Variants in FOXA3 observed in about 807,000 individuals in gnomAD.
FOXA3 encodes hepatocyte nuclear factor 3-gamma.
In FOXA3, 11 loss-of-function variants were observed where a neutral mutation model predicts 16.9. That is an observed-to-expected ratio of 0.65 (90% confidence interval 0.41 to 1.08). The LOEUF is 1.08. Among genes scored for constraint, FOXA3 ranks in the 50% least tolerant of loss-of-function variants. The pLI, the probability that FOXA3 is intolerant of heterozygous loss-of-function variation, is 0.00. For synonymous variants in FOXA3, 217 were observed against 203.3 expected (o/e 1.07, Z -0.57); for missense variants, 423 against 470.1 (o/e 0.90, Z 0.93).
intron 1 of FOXA3, among the ~76,000 whole-genome samples, chr19:45,869,220 G>C (rs1481037925): frequency 6.6e-6 from 1 of 151,488 alleles, no homozygotes; most frequent in South Asian, 2.1e-4. Flanking sequence ...GATTACAGGC[G>C]TGAGCCACCG....
At chr19:45,868,873 T>C (rs1314084646) in intron 1 of FOXA3, among the ~76,000 whole-genome samples, 2 of 152,226 alleles carry the variant, frequency 1.3e-5, no homozygotes, top group Non-Finnish European at 2.9e-5. Flanking sequence ...TGCTAGACTG[T>C]TGGCACCACG....
intron 1 of FOXA3, among the ~76,000 whole-genome samples, chr19:45,866,632 C>T (rs1358008934): frequency 2.0e-5 from 3 of 152,172 alleles, no homozygotes; most frequent in African/African-American, 4.8e-5. Context: ...GGTCCCCAAA[C>T]CACTTCTTGC....
intron 1 of FOXA3, among the ~76,000 whole-genome samples, chr19:45,868,038 G>T (rs1972101939): frequency 6.6e-6 from 1 of 151,748 alleles, no homozygotes; most frequent in South Asian, 2.1e-4. Flanking sequence ...CAATGCGGGG[G>T]TGGGGAGGGA....
At chr19:45,870,569 C>CTTTT (rs34349319) in intron 1 of FOXA3, among the ~76,000 whole-genome samples, 3 of 133,250 alleles carry the variant, frequency 2.3e-5, no homozygotes, top group Admixed American at 7.8e-5. Flanking sequence ...CACCCCCCTT[C>CTTTT]TTTTTTTTTT....
rs570167287 is a variant in FOXA3, at chr19:45,872,054, C to T, written c.70-21C>T. On this transcript the variant is annotated intron_variant, in intron 1 of 1. Transcript: ENST00000302177. The surrounding 1 kb of genome is among the most constrained non-coding windows in gnomAD (Gnocchi z 4.5). ...CAGCAGAGTGGAGCCCCACTGACCC[C>T]TCCTTTCATCTTTCCCCTAGGTCTA... The T allele has an allele frequency of 1.9e-6, 3 of 1,610,504 alleles. No individual in the cohort carries two copies. The highest frequency in any genetic ancestry group is 2.2e-5 in the South Asian group (2 of 90,650).
At chr19:45,865,452 C>T (rs1308394412) in intron 1 of FOXA3, among the ~76,000 whole-genome samples, 3 of 152,082 alleles carry the variant, frequency 2.0e-5, no homozygotes, top group Admixed American at 6.6e-5. Flanking sequence ...CTGCAACGAC[C>T]CCTACACCTT....
intron 1 of FOXA3, among the ~76,000 whole-genome samples, chr19:45,870,319 G>T (rs1196341491): frequency 6.6e-6 from 1 of 151,388 alleles, no homozygotes; most frequent in African/African-American, 2.4e-5. Context: ...ACAGGCGTTC[G>T]CCACCACACC....
intron 1 of FOXA3, 49 bp downstream of exon 1, chr19:45,864,574 G>T (rs374426074): frequency 3.5e-5 from 50 of 1,437,460 alleles, no homozygotes; most frequent in South Asian, 5.6e-5. Context: ...AGGTATCGGG[G>T]TGTGGGCTCA....
chr19:45,871,277 C>T (rs1600550600), intron 1 of FOXA3, among the ~76,000 whole-genome samples: 1 of 152,112 alleles, frequency 6.6e-6, no homozygotes, highest in African/African-American at 2.4e-5. Context: ...GTCAAAAGAG[C>T]GACACTGTTT....
intron 1 of FOXA3, among the ~76,000 whole-genome samples, chr19:45,870,618 A>G (rs1218486591): frequency 8.4e-6 from 1 of 118,498 alleles, no homozygotes; most frequent in Non-Finnish European, 1.7e-5. Flanking sequence ...TCCTGGCTGG[A>G]GTGTGCAGTG....
chr19:45,868,558 C>T (rs1466515900), intron 1 of FOXA3, among the ~76,000 whole-genome samples: 1 of 139,948 alleles, frequency 7.1e-6, no homozygotes, highest in Non-Finnish European at 1.5e-5. Context: ...CCAGCCTGGG[C>T]GATACAGTGA....
At chr19:45,868,096 C>T (rs555902149) in intron 1 of FOXA3, among the ~76,000 whole-genome samples, 1 of 151,876 alleles carries the variant, frequency 6.6e-6, no homozygotes, top group African/African-American at 2.4e-5. Context: ...GGTAACACAA[C>T]GGCAAAAATA....
chr19:45,867,430 T>TAGATAGAC (rs1355589080), intron 1 of FOXA3, among the ~76,000 whole-genome samples: 2 of 150,260 alleles, frequency 1.3e-5, no homozygotes, highest in Admixed American at 1.3e-4. Flanking sequence ...GATAGATAGA[T>TAGATAGAC]AGATAGATAG....
In FOXA3 at chr19:45,871,947, G is replaced by C. The variant is rs1427589801; in HGVS notation, c.70-128G>C. The C allele has an allele frequency of 3.3e-6, 3 of 915,670 alleles. No homozygotes were observed. In the African/African-American group the frequency reaches 5.0e-5, roughly 15 times the overall value. 56.7% of individuals were successfully genotyped at this position (915,670 alleles called of 1,614,324 possible). A position where few individuals can be genotyped will look rare whatever the true frequency, so the allele number is the denominator to read the frequency against. ...TGAGAGACTGCTTTCTACAGATAGAGGTAATGATGGAAGGGATTTGTAGAG... is the reference window on the plus strand; with the variant it reads ...TGAGAGACTGCTTTCTACAGATAGACGTAATGATGGAAGGGATTTGTAGAG... On this transcript the variant is annotated intron_variant, in intron 1 of 1. Transcript: ENST00000302177.
chr19:45,868,573 C>T (rs1972106817), intron 1 of FOXA3, among the ~76,000 whole-genome samples: 2 of 133,308 alleles, frequency 1.5e-5, no homozygotes, highest in African/African-American at 5.7e-5. Context: ...CAGTGAGACT[C>T]TCTTAAAAAA....
Position 45,873,072 on chromosome 19 carries a change from C to T in FOXA3, c.*14C>T. ...AATGCATCCTAGCAGGGGTTGGGAA[C>T]ATGGTGGTGGGTATGGCTGGAGCTC... On this transcript the variant is annotated 3_prime_UTR_variant, in exon 2 of 2. Coordinates refer to ENST00000302177, the MANE Select transcript of FOXA3 (RefSeq NM_004497.3). The T allele has an allele frequency of 1.3e-6, 2 of 1,575,364 alleles. No individual in the cohort carries two copies. The highest frequency in any genetic ancestry group is 1.7e-6 in the Non-Finnish European group (2 of 1,159,524).
chr19:45,872,703 G>T lies in FOXA3; in HGVS notation c.698G>T (p.Gly233Val). 1 of 1,608,710 alleles carries T rather than the reference G, an allele frequency of 6.2e-7. No homozygotes were observed. The part of the protein sequence containing the change: ...GSGAATTTRN[G>V]TGSAASTTTP... Reference sequence around the variant, plus strand: ...GGGGCTGCCACCACCACCAGGAACGGGACAGGGTCTGCTGCCTCGACCACC... The same window carrying T: ...GGGGCTGCCACCACCACCAGGAACGTGACAGGGTCTGCTGCCTCGACCACC... The change falls in exon 2 of 2, where the codon GGG becomes GTG. Residue 233 changes from glycine (G) to valine (V), a missense_variant. Physicochemically the swap from Gly to Val is moderately radical, Grantham distance 109 (BLOSUM62 -3). This residue lies in a region of FOXA3 where 168 missense variants were observed against 179.3 expected (regional missense o/e 0.94). Transcript: ENST00000302177. The surrounding 1 kb of genome is among the most constrained non-coding windows in gnomAD (Gnocchi z 4.5).
At chr19:45,870,667 T>G (rs1966896472) in intron 1 of FOXA3, among the ~76,000 whole-genome samples, 1 of 149,686 alleles carries the variant, frequency 6.7e-6, no homozygotes, top group Non-Finnish European at 1.5e-5. Flanking sequence ...ACTCCTGGGC[T>G]CAAGCGATCC....
Position 45,873,039 on chromosome 19 carries a change from C to G in FOXA3, c.1034C>G (p.Ser345Cys). ...GVYYQGLYSR[S>C]LLNAS ...TACTACCAGGGCCTCTATTCCCGCT[C>G]TTTGCTTAATGCATCCTAGCAGGGG... Residue 345 changes from serine (S) to cysteine (C), a missense_variant, in exon 2 of 2, where the codon TCT (serine) becomes TGT (cysteine). Around this residue, in one of 3 missense-constraint regions of FOXA3, gnomAD observed 168 missense variants for 179.3 expected, o/e 0.94. Transcript: ENST00000302177. 2.5e-6 allele frequency: 4 copies of G among 1,601,282 alleles called. No individual in the cohort carries two copies. Among genetic ancestry groups the G allele is most frequent in the Non-Finnish European group, 3.4e-6 (4 of 1,173,524 alleles).
Sources: allele counts gnomAD v4.1 joint callset (sites outside exome capture counted in the v4.1 genomes callset), GRCh38; gene constraint gnomAD v4.1.1; regional missense constraint gnomAD v4.1.1; non-coding constraint Gnocchi (gnomAD v3.1); transcripts MANE v1.5; gene names NCBI Gene and HGNC (gene_info 2026-07-23, HGNC 2026-07-21).